ICA1L: variants seen among roughly 807,000 people sequenced by gnomAD.
ICA1L encodes the protein islet cell autoantigen 1 like, also known as islet cell autoantigen 1-like protein.
A neutral mutation model predicts 61.3 loss-of-function variants in ICA1L; 50 were observed. The ratio of observed to expected loss-of-function variants is 0.82; its 90% CI spans 0.65 to 1.03. The LOEUF (loss-of-function observed/expected upper bound fraction) is 1.03. ICA1L is among the 50% of genes least tolerant of loss of function. The pLI, the probability that ICA1L is intolerant of heterozygous loss-of-function variation, is 0.00. For missense variants in ICA1L, 508 were observed against 556.7 expected, an observed-to-expected ratio of 0.91 and a Z score of 0.88; for synonymous variants, 161 against 191.3, an observed-to-expected ratio of 0.84 and a Z score of 1.31.
intron 12 of ICA1L, among the ~76,000 whole-genome samples, 158 bp from the exon 13 acceptor site, chr2:202,779,806 T>TG (rs112806695): frequency 0.096 from 14,580 of 151,704 alleles, 818 homozygotes; most frequent in Non-Finnish European, 0.13. Flanking sequence ...AAGATTTTTT[T>TG]TTTTTTTTTT....
chr2:202,794,844 A>G (rs529099276), intron 10 of ICA1L, among the ~76,000 whole-genome samples: 1 of 152,264 alleles, frequency 6.6e-6, no homozygotes, highest in East Asian at 1.9e-4. Flanking sequence ...ACTTTAACAA[A>G]TGGAAGGATG....
intron 9 of ICA1L, among the ~76,000 whole-genome samples, chr2:202,797,325 G>A (rs529234279): frequency 1.3e-5 from 2 of 152,116 alleles, no homozygotes; most frequent in South Asian, 2.1e-4. Context: ...TGATCTCCAT[G>A]CCTTGACACT....
At chr2:202,851,979 T>G (rs965280544) in intron 1 of ICA1L, among the ~76,000 whole-genome samples, 1 of 152,224 alleles carries the variant, frequency 6.6e-6, no homozygotes, top group Non-Finnish European at 1.5e-5. Flanking sequence ...TCATGGTAGT[T>G]TCTTTTGCTG....
chr2:202,793,053 T>TA (rs1406573377), intron 10 of ICA1L, among the ~76,000 whole-genome samples: 1 of 152,144 alleles, frequency 6.6e-6, no homozygotes, highest in African/African-American at 2.4e-5. Flanking sequence ...AACATTCTAA[T>TA]ATCCAACTGT....
chr2:202,807,602 T>G (rs1349067170), intron 9 of ICA1L, among the ~76,000 whole-genome samples: 2 of 152,094 alleles, frequency 1.3e-5, no homozygotes. Flanking sequence ...CCAGTGGAGT[T>G]AGGGTACATG....
At position 202,785,930 on chromosome 2, in the gene ICA1L, T is replaced by G; in HGVS notation, c.1321A>C (p.Lys441Gln). 1 of 1,577,674 alleles carries G rather than the reference T, an allele frequency of 6.3e-7. No homozygotes were observed. Reference sequence around the variant, plus strand: ...ATAAATAACTTACATCTTGTTAATTTCTTTGGACTCTGTGAAGGCACTGGC... The same window carrying G: ...ATAAATAACTTACATCTTGTTAATTGCTTTGGACTCTGTGAAGGCACTGGC... ...NQPVPSQSPK[K>Q]LTRSPNNGNQ... The change falls in exon 12 of 13, where the codon AAA (lysine) becomes CAA (glutamine). Residue 441 changes from lysine to glutamine, a missense_variant. Lys to Gln is a moderately conservative substitution (Grantham distance 53, BLOSUM62 1). Transcript: ENST00000358299.
intron 1 of ICA1L, among the ~76,000 whole-genome samples, chr2:202,834,623 G>C (rs187015813): frequency 2.0e-5 from 3 of 152,048 alleles, no homozygotes. Flanking sequence ...GCCAGACTCT[G>C]TCTCAAAAAA....
At chr2:202,807,158 G>A (rs1000069672) in intron 9 of ICA1L, among the ~76,000 whole-genome samples, 2 of 152,154 alleles carry the variant, frequency 1.3e-5, no homozygotes, top group African/African-American at 2.4e-5. Flanking sequence ...ACCAAACATC[G>A]GGTGAGAGAT....
At chr2:202,858,824 A>T (rs1245084427) in intron 1 of ICA1L, among the ~76,000 whole-genome samples, 1 of 152,126 alleles carries the variant, frequency 6.6e-6, no homozygotes, top group Non-Finnish European at 1.5e-5. Flanking sequence ...GTAGCCTAGG[A>T]GCAACAGACT....
chr2:202,778,315 A>T lies in ICA1L; in HGVS notation c.*1218T>A, dbSNP rs1692289706. ...GAAATTGAGTGATTGATGTGTGTGT[A>T]CGGTAGCTACGTTTTTATCAGCTTA... On this transcript the variant is annotated 3_prime_UTR_variant, in exon 13 of 13. Coordinates refer to ENST00000358299, the MANE Select transcript of ICA1L (RefSeq NM_001288622.3). 1 of 152,198 alleles carries T rather than the reference A, an allele frequency of 6.6e-6. No individual in the cohort carries two copies. The allele number at this position is 152,198 out of a possible 1,614,324, so 9.4% of individuals were successfully genotyped here.
chr2:202,784,377 G>A (rs1275202739), intron 12 of ICA1L, among the ~76,000 whole-genome samples: 2 of 152,102 alleles, frequency 1.3e-5, no homozygotes, highest in Non-Finnish European at 2.9e-5. Context: ...CCTGGGAGGC[G>A]GAGGTTGCAG....
At chr2:202,812,810 G>A (rs931575774) in intron 8 of ICA1L, among the ~76,000 whole-genome samples, 2 of 152,084 alleles carry the variant, frequency 1.3e-5, no homozygotes, top group Admixed American at 1.3e-4. Flanking sequence ...TTGGATGGAA[G>A]AGAAGGTGAA....
At chr2:202,831,782 T>C (rs1251753667) in intron 1 of ICA1L, among the ~76,000 whole-genome samples, 2 of 152,238 alleles carry the variant, frequency 1.3e-5, no homozygotes, top group East Asian at 1.9e-4. Flanking sequence ...AAAGGTGAGA[T>C]TTGCACATTT....
At chr2:202,825,410 T>C (rs1693814195) in intron 3 of ICA1L, 10 of 505,446 alleles carry the variant, frequency 2.0e-5, no homozygotes, top group Non-Finnish European at 2.9e-5. Flanking sequence ...GTGGAGACTG[T>C]AGTGAGCTGT....
chr2:202,829,808 G>T (rs565814870), intron 1 of ICA1L, among the ~76,000 whole-genome samples: 1 of 152,132 alleles, frequency 6.6e-6, no homozygotes, highest in South Asian at 2.1e-4. Flanking sequence ...TCTATTTATA[G>T]ATGTTTATTA....
intron 12 of ICA1L, among the ~76,000 whole-genome samples, chr2:202,782,937 TC>T (rs1692458792): frequency 6.6e-6 from 1 of 152,198 alleles, no homozygotes; most frequent in Non-Finnish European, 1.5e-5. Flanking sequence ...GTACTCTGAA[TC>T]CCTGAGGGAT....
intron 1 of ICA1L, among the ~76,000 whole-genome samples, chr2:202,855,312 A>C (rs183629857): frequency 3.0e-3 from 458 of 152,288 alleles, no homozygotes; most frequent in Non-Finnish European, 3.9e-3. Flanking sequence ...GCAGAACTGA[A>C]GGAGAGAGAG....
In ICA1L at chr2:202,796,944, T is replaced by C. The variant is rs372827986; in HGVS notation, c.931A>G (p.Lys311Glu). The change falls in exon 10 of 13, where the codon AAA (lysine) becomes GAA (glutamate). Residue 311 changes from lysine (K) to glutamate (E), a missense_variant. By Grantham distance (56) the Lys-to-Glu change is moderately conservative (BLOSUM62 1). Coordinates refer to ENST00000358299, the MANE Select transcript of ICA1L (RefSeq NM_001288622.3). ...CCAAATTCTCTCATTTGAGAATGTT[T>C]TTCATTGTGATCTTTGTTTGCTAAA... ...SEQANKDHNEKHSQMREFGAP... is the reference protein window; with the variant it reads ...SEQANKDHNEEHSQMREFGAP... The C allele has an allele frequency of 6.3e-7, 1 of 1,598,346 alleles. No homozygotes were observed. The highest frequency in any genetic ancestry group is 1.3e-5 in the African/African-American group (1 of 74,576).
At chr2:202,812,161 A>G (rs1559135299) in intron 8 of ICA1L, among the ~76,000 whole-genome samples, 1 of 152,228 alleles carries the variant, frequency 6.6e-6, no homozygotes, top group East Asian at 1.9e-4. Context: ...TCCAGAAAAG[A>G]TGGAGTACCC....
Sources: gnomAD v4.1 joint callset for allele counts (sites outside exome capture counted in the v4.1 genomes callset) on GRCh38, gnomAD v4.1.1 for gene constraint, MANE v1.5 for transcripts, NCBI Gene and HGNC (gene_info 2026-07-23, HGNC 2026-07-21) for gene names.